Variants in CAST observed in about 807,000 individuals in gnomAD.
CAST encodes calpastatin, also known as MIR583 host.
In CAST, 76 loss-of-function variants were observed where a neutral mutation model predicts 119.6. The observed-to-expected ratio is 0.64, with a 90% CI of 0.53 to 0.77. The LOEUF (loss-of-function observed/expected upper bound fraction) is 0.77, where lower values mean the gene tolerates loss of function less well. Ranked by LOEUF, CAST falls within the 30% of genes least tolerant of loss-of-function variation. The pLI is 0.00. For synonymous variants in CAST, 319 were observed against 331.6 expected (o/e 0.96, Z 0.41); for missense variants, 953 against 946.5 (o/e 1.01, Z -0.09).
At chr5:96,018,054 A>G in the CAST span, among the ~76,000 whole-genome samples, 1 of 152,160 alleles carries the variant, frequency 6.6e-6, no homozygotes, top group Non-Finnish European at 1.5e-5. Flanking sequence ...TGTCTTGTGG[A>G]AAAAGTAGTT....
At chr5:96,419,291 G>GTA in the CAST span, among the ~76,000 whole-genome samples, 2 of 144,514 alleles carry the variant, frequency 1.4e-5, no homozygotes, top group African/African-American at 5.2e-5. Context: ...GAGTTTATAT[G>GTA]TATATATATA....
the CAST span, among the ~76,000 whole-genome samples, chr5:96,366,956 G>A: frequency 6.6e-6 from 1 of 152,086 alleles, no homozygotes; most frequent in Non-Finnish European, 1.5e-5. Flanking sequence ...CATCTTTTTG[G>A]TTTTATCTAC....
chr5:96,200,101 TCA>T, the CAST span, among the ~76,000 whole-genome samples: 1 of 152,124 alleles, frequency 6.6e-6, no homozygotes, highest in East Asian at 1.9e-4. Flanking sequence ...ACCAGCTTTC[TCA>T]GAGGTAACCC....
the CAST span, among the ~76,000 whole-genome samples, chr5:96,427,478 T>C: frequency 1.3e-5 from 2 of 152,208 alleles, no homozygotes; most frequent in African/African-American, 4.8e-5. Flanking sequence ...CAAGTTTCTA[T>C]GGTTCCAGAA....
chr5:96,622,500 T>G (rs906691968), intron 1 of CAST, among the ~76,000 whole-genome samples: 1 of 152,162 alleles, frequency 6.6e-6, no homozygotes, highest in South Asian at 2.1e-4. Context: ...TGGTGAAAGC[T>G]TCTGTTTCCC....
chr5:96,608,605 T>C (rs76611657), intron 1 of CAST, among the ~76,000 whole-genome samples: 3,352 of 152,228 alleles, frequency 0.022, 130 homozygotes, highest in African/African-American at 0.069. Context: ...TCACAAAAGA[T>C]TGCAAAAACT....
At chr5:96,681,116 A>T (rs1299874892) in intron 2 of CAST, among the ~76,000 whole-genome samples, 1 of 151,958 alleles carries the variant, frequency 6.6e-6, no homozygotes, top group African/African-American at 2.4e-5. Context: ...TTCATTTGAA[A>T]TTTTCATTTA....
chr5:96,035,228 T>TAG, the CAST span, among the ~76,000 whole-genome samples: 2 of 146,884 alleles, frequency 1.4e-5, no homozygotes, highest in African/African-American at 5.0e-5. Context: ...TATATATATA[T>TAG]ACTTCAAAAC....
chr5:96,176,058 A>C, the CAST span, among the ~76,000 whole-genome samples: 3 of 152,304 alleles, frequency 2.0e-5, no homozygotes, highest in South Asian at 6.2e-4. Flanking sequence ...TTTGGAGGCT[A>C]GGTAAGGCTT....
chr5:96,658,627 T>G (rs534428592), upstream of CAST, among the ~76,000 whole-genome samples: 8 of 152,358 alleles, frequency 5.3e-5, no homozygotes, highest in African/African-American at 1.7e-4. Context: ...TTTTAACTAT[T>G]AATAATAAAT....
chr5:96,153,944 C>G, the CAST span, among the ~76,000 whole-genome samples: 3 of 152,118 alleles, frequency 2.0e-5, no homozygotes, highest in African/African-American at 4.8e-5. Context: ...GAGGCAGGGT[C>G]TCAATATGTT....
chr5:96,221,491 A>C, the CAST span, among the ~76,000 whole-genome samples: 1 of 152,120 alleles, frequency 6.6e-6, no homozygotes, highest in Non-Finnish European at 1.5e-5. Flanking sequence ...AGAAATCAAC[A>C]AGGCAACCCC....
chr5:96,426,413 T>C, the CAST span, among the ~76,000 whole-genome samples: 10 of 152,186 alleles, frequency 6.6e-5, no homozygotes, highest in Non-Finnish European at 2.9e-5. Context: ...AAAGTAAGAA[T>C]GGTGCTGTAT....
chr5:96,698,242 T>C (rs1753526869), intron 3 of CAST, among the ~76,000 whole-genome samples: 2 of 152,180 alleles, frequency 1.3e-5, no homozygotes, highest in South Asian at 4.1e-4. Flanking sequence ...TGAGATGGGA[T>C]AGTTATAAAG....
chr5:96,375,586 G>A, the CAST span, among the ~76,000 whole-genome samples: 7 of 152,122 alleles, frequency 4.6e-5, no homozygotes, highest in East Asian at 1.3e-3. Flanking sequence ...AGGCTATATA[G>A]TTCCTAAAGT....
rs543306492 is a variant in CAST, at chr5:96,737,918, A to C, written c.769A>C (p.Asn257His). ...AGGACCTGAAGAAACTGAAGAAGAAAATACAACGTATACTGGACCAGAAGT... is the reference window on the plus strand; with the variant it reads ...AGGACCTGAAGAAACTGAAGAAGAACATACAACGTATACTGGACCAGAAGT... ...LGGPEETEEE[N>H]TTYTGPEVSD... The change falls in exon 11 of 32, where the codon AAT becomes CAT. Residue 257 changes from asparagine (N) to histidine (H), a missense_variant. Transcript: ENST00000675179. The C allele has an allele frequency of 1.2e-6, 2 of 1,603,836 alleles. No homozygotes were observed. Among genetic ancestry groups the C allele is most frequent in the Admixed American group, 3.3e-5 (2 of 60,000 alleles).
intron 9 of CAST, 83 bp downstream of exon 9, chr5:96,730,943 A>G (rs770460861): frequency 6.2e-5 from 66 of 1,063,824 alleles, no homozygotes; most frequent in Non-Finnish European, 9.2e-5. Context: ...CAAATAACCT[A>G]TCATCTGGCA....
chr5:96,397,031 C>T, the CAST span, among the ~76,000 whole-genome samples: 2 of 152,138 alleles, frequency 1.3e-5, no homozygotes, highest in Non-Finnish European at 2.9e-5. Context: ...ATTTTGTTGG[C>T]TGAATAGGTT....
At position 96,560,221 on chromosome 5, in the gene CAST, A is replaced by T. The variant is rs191095793; in HGVS notation, c.60+30341A>T. Among the ~76,000 whole-genome samples the T allele has an allele frequency of 4.7e-3, 709 of 152,238 alleles. 1 individual carries two copies. Among genetic ancestry groups the T allele is most frequent in the Non-Finnish European group, 6.3e-3 (427 of 68,022 alleles). ...AAAATTAATTCAAGATGGATTAAAG[A>T]CTTAAATGTTAGACCTAAAACCATA... On this transcript the variant is annotated intron_variant, in intron 1 of 11. Coordinates refer to the CAST transcript ENST00000505143.
Sources: allele counts gnomAD v4.1 joint callset (sites outside exome capture counted in the v4.1 genomes callset), GRCh38; gene constraint gnomAD v4.1.1; transcripts MANE v1.5; gene names NCBI Gene and HGNC (gene_info 2026-07-23, HGNC 2026-07-21).